Variants in PDSS2 observed in about 807,000 individuals in gnomAD.
PDSS2 encodes the protein all trans-polyprenyl-diphosphate synthase PDSS2.
In PDSS2, 31 loss-of-function variants were observed where a neutral mutation model predicts 44.5. The ratio of observed to expected loss-of-function variants is 0.70; its 90% CI spans 0.52 to 0.94. PDSS2 has a LOEUF of 0.94. Among genes scored for constraint, PDSS2 ranks in the 40% least tolerant of loss-of-function variants. The probability of loss-of-function intolerance (pLI) is 0.00; values close to 1 mark genes in which losing one functional copy is unlikely to be tolerated. For missense variants in PDSS2, 452 were observed against 482.2 expected, an observed-to-expected ratio of 0.94 and a Z score of 0.59; for synonymous variants, 157 against 180.3, an observed-to-expected ratio of 0.87 and a Z score of 1.03.
At chr6:107,218,094 A>G (rs143221335) in intron 4 of PDSS2, among the ~76,000 whole-genome samples, 2 of 152,256 alleles carry the variant, frequency 1.3e-5, no homozygotes, top group East Asian at 3.9e-4. Context: ...AAAACCTCCA[A>G]CCTTCTCTCT....
At chr6:107,245,418 C>CAAAAAAAAAAAA (rs35614951) in intron 4 of PDSS2, 130 bp downstream of exon 4, 18 of 115,912 alleles carry the variant, frequency 1.6e-4, no homozygotes, top group East Asian at 2.4e-4. Context: ...AAACACTAAT[C>CAAAAAAAAAAAA]AAAAAAAAAA....
At chr6:107,203,396 C>T (rs1169453384) in intron 6 of PDSS2, among the ~76,000 whole-genome samples, 2 of 152,162 alleles carry the variant, frequency 1.3e-5, no homozygotes, top group Non-Finnish European at 2.9e-5. Context: ...CTTATCTTCC[C>T]ATTCTCATTG....
Position 107,178,185 on chromosome 6 carries a change from C to A in PDSS2, c.1041+15637G>T, listed in dbSNP as rs369325395. On this transcript the variant is annotated intron_variant, in intron 7 of 7. Transcript: ENST00000369037. ...AGTTTAAAACACATTTATAATTTCA[C>A]AAGAAAGCACCTCAAACGACAGAGA... is the stretch of plus-strand genomic sequence containing the variant. 3.5e-4 allele frequency among the ~76,000 whole-genome samples: 53 copies of A among 152,202 alleles called. No homozygotes were observed. In the South Asian group the frequency reaches 0.01, roughly 30 times the overall value.
chr6:107,177,071 T>C (rs1771816384), intron 7 of PDSS2, among the ~76,000 whole-genome samples: 1 of 150,944 alleles, frequency 6.6e-6, no homozygotes, highest in Non-Finnish European at 1.5e-5. Context: ...ATGGACGAAG[T>C]AATTCTTTTT....
In PDSS2 at chr6:107,387,648, G is replaced by C. The variant is rs1431628006; in HGVS notation, c.297-53316C>G. Among the ~76,000 whole-genome samples, 4 of 152,126 alleles carry C rather than the reference G, an allele frequency of 2.6e-5. No homozygotes were observed. In the East Asian group the frequency reaches 5.8e-4, roughly 22 times the overall value. On this transcript the variant is annotated intron_variant, in intron 1 of 7. Transcript: ENST00000369037. ...CATTAAAATAATACTGAAGCATAAA[G>C]GTCTGAAGGATAACAGATATCCACA...
intron 6 of PDSS2, among the ~76,000 whole-genome samples, chr6:107,209,000 A>T (rs1186567132): frequency 6.6e-6 from 1 of 152,142 alleles, no homozygotes; most frequent in Non-Finnish European, 1.5e-5. Context: ...TCTTCTGATT[A>T]AAAAATTCTG....
chr6:107,294,905 C>T (rs193265767), intron 2 of PDSS2, among the ~76,000 whole-genome samples: 86 of 152,184 alleles, frequency 5.7e-4, no homozygotes, highest in Admixed American at 2.2e-3. Context: ...CATTTACAGT[C>T]TGTCACTAGA....
chr6:107,230,624 C>T (rs1159115221), intron 4 of PDSS2, among the ~76,000 whole-genome samples: 1 of 152,000 alleles, frequency 6.6e-6, no homozygotes, highest in East Asian at 1.9e-4. Context: ...GCTGGAGAGG[C>T]TCTGCTCCAA....
At chr6:107,421,963 A>G (rs1780838776) in intron 1 of PDSS2, among the ~76,000 whole-genome samples, 1 of 152,050 alleles carries the variant, frequency 6.6e-6, no homozygotes, top group African/African-American at 2.4e-5. Flanking sequence ...CCACGGGGAA[A>G]GCTGGATGAT....
rs183437914 is a variant in PDSS2, at chr6:107,452,916, C to T, written c.296+6074G>A. Among the ~76,000 whole-genome samples, 55 of 152,294 alleles carry T rather than the reference C, an allele frequency of 3.6e-4. No homozygotes were observed. In the East Asian group the frequency reaches 8.1e-3, roughly 22 times the overall value. On this transcript the variant is annotated intron_variant, in intron 1 of 7. Coordinates refer to ENST00000369037, the MANE Select transcript of PDSS2 (RefSeq NM_020381.4). ...TCCTGACCTTGTGATCTGCCCGCCTCGGCCTCCCAAAATGCTGGGATTACA... is the reference window on the plus strand; with the variant it reads ...TCCTGACCTTGTGATCTGCCCGCCTTGGCCTCCCAAAATGCTGGGATTACA...
chr6:107,230,127 T>C (rs12194751), intron 4 of PDSS2: 8,532 of 155,158 alleles, frequency 0.055, 492 homozygotes, highest in African/African-American at 0.15. Flanking sequence ...AAGGTCAAAG[T>C]TGGTGCTGGC....
In PDSS2 at chr6:107,459,175, A is replaced by C. The variant is rs766806583; in HGVS notation, c.111T>G (p.Ser37=). ...PSLDTISSVG[S]WRGRSSKSPA... is the part of the protein sequence containing the mutation. ...GGGACTTGGAGGACCGACCACGCCA[A>C]GAGCCCACCGAGGAGATGGTGTCGA... Residue 37 remains serine, a synonymous_variant, in exon 1 of 8, where the codon TCT becomes TCG. Transcript: ENST00000369037. The surrounding 1 kb of genome is among the most constrained non-coding windows in gnomAD (Gnocchi z 4.3). 1 of 1,614,058 alleles carries C rather than the reference A, an allele frequency of 6.2e-7. No homozygotes were observed. The highest frequency in any genetic ancestry group is 1.1e-5 in the South Asian group (1 of 91,082).
intron 6 of PDSS2, among the ~76,000 whole-genome samples, chr6:107,201,390 C>CAAAAAAAAAAAAAAAAAAA (rs747612959): frequency 1.9e-5 from 1 of 52,158 alleles, no homozygotes; most frequent in Non-Finnish European, 3.1e-5. Context: ...CATACAAAAG[C>CAAAAAAAAAAAAAAAAAAA]AAAAAAAAAA....
At chr6:107,438,668 A>C (rs1781428274) in intron 1 of PDSS2, among the ~76,000 whole-genome samples, 1 of 152,146 alleles carries the variant, frequency 6.6e-6, no homozygotes, top group South Asian at 2.1e-4. Context: ...GGAAGGTTTT[A>C]TTTCCCCCCA....
chr6:107,286,917 G>A (rs1319190944), intron 2 of PDSS2, among the ~76,000 whole-genome samples: 3 of 152,078 alleles, frequency 2.0e-5, no homozygotes, highest in Admixed American at 2.0e-4. Flanking sequence ...GCACGCGCCT[G>A]TAGTCCCAGC....
intron 1 of PDSS2, among the ~76,000 whole-genome samples, chr6:107,347,004 T>C (rs1355516675): frequency 1.3e-5 from 2 of 152,108 alleles, no homozygotes; most frequent in African/African-American, 4.8e-5. Flanking sequence ...AAGCCCTGAG[T>C]AGCCCCCATT....
chr6:107,444,501 C>T (rs57961538), intron 1 of PDSS2, among the ~76,000 whole-genome samples: 3,810 of 152,200 alleles, frequency 0.025, 161 homozygotes, highest in African/African-American at 0.088. Context: ...AATTCCTGGA[C>T]GGCAGCAACT....
chr6:107,161,540 A>G (rs926862497), intron 7 of PDSS2, among the ~76,000 whole-genome samples: 1 of 152,118 alleles, frequency 6.6e-6, no homozygotes, highest in Non-Finnish European at 1.5e-5. Flanking sequence ...TGTATTATAA[A>G]TTATTTTCAA....
At chr6:107,440,181 A>C (rs972726842) in intron 1 of PDSS2, among the ~76,000 whole-genome samples, 5 of 152,090 alleles carry the variant, frequency 3.3e-5, no homozygotes, top group African/African-American at 1.2e-4. Flanking sequence ...TTTTCATCCT[A>C]GAGAGGTTAG....
Sources: allele counts gnomAD v4.1 joint callset (sites outside exome capture counted in the v4.1 genomes callset), GRCh38; gene constraint gnomAD v4.1.1; non-coding constraint Gnocchi (gnomAD v3.1); transcripts MANE v1.5; gene names NCBI Gene and HGNC (gene_info 2026-07-23, HGNC 2026-07-21).